The following GABRB2 variants were observed in gnomAD, a reference collection of about 807,000 sequenced individuals.
GABRB2 encodes the protein gamma-aminobutyric acid receptor subunit beta-2.
In GABRB2, 16 loss-of-function variants were observed where a neutral mutation model predicts 54.7. The ratio of observed to expected loss-of-function variants is 0.29; its 90% CI spans 0.20 to 0.44. The LOEUF (loss-of-function observed/expected upper bound fraction) is 0.44. Ranked by LOEUF, GABRB2 falls within the 20% of genes least tolerant of loss-of-function variation. GABRB2 has a pLI of 1.00. For synonymous variants in GABRB2, 244 were observed against 233.8 expected, an observed-to-expected ratio of 1.04 and a Z score of -0.40; for missense variants, 355 against 644.0, an observed-to-expected ratio of 0.55 and a Z score of 4.86.
chr5:161,351,603 A>G (rs1754472234), intron 5 of GABRB2, among the ~76,000 whole-genome samples: 1 of 152,150 alleles, frequency 6.6e-6, no homozygotes. Context: ...CTACTAGAAG[A>G]AAACAAAGCG....
chr5:161,352,583 G>A (rs1021268141), intron 5 of GABRB2, among the ~76,000 whole-genome samples: 11 of 151,928 alleles, frequency 7.2e-5, no homozygotes, highest in African/African-American at 2.2e-4. Context: ...GTAATCAAAG[G>A]TTACAAAATT....
intron 5 of GABRB2, among the ~76,000 whole-genome samples, chr5:161,350,480 A>C (rs56328908): frequency 0.093 from 14,178 of 152,172 alleles, 765 homozygotes; most frequent in East Asian, 0.17. Flanking sequence ...TAAACCAAAG[A>C]GGCTAAAGAC....
At chr5:161,467,668 A>G (rs982074891) in intron 3 of GABRB2, among the ~76,000 whole-genome samples, 2 of 152,096 alleles carry the variant, frequency 1.3e-5, no homozygotes, top group African/African-American at 4.8e-5. Flanking sequence ...ATTTCCAAAG[A>G]TTGGAATACC....
chr5:161,308,599 C>T (rs778727722), intron 9 of GABRB2, among the ~76,000 whole-genome samples: 2 of 152,144 alleles, frequency 1.3e-5, no homozygotes, highest in Non-Finnish European at 2.9e-5. Flanking sequence ...ATCACTCTAC[C>T]CGACTTCAAA....
intron 3 of GABRB2, among the ~76,000 whole-genome samples, 170 bp from the exon 4 acceptor site, chr5:161,460,014 G>A (rs570830167): frequency 1.3e-5 from 2 of 152,168 alleles, no homozygotes; most frequent in South Asian, 2.1e-4. Flanking sequence ...GCACGATCTC[G>A]GCTCAATGCA....
chr5:161,336,493 A>C, intron 6 of GABRB2, 139 bp downstream of exon 6: 1 of 1,001,112 alleles, frequency 1.0e-6, no homozygotes, highest in Non-Finnish European at 1.4e-6. Flanking sequence ...AATAGACTTC[A>C]TGGGAAACTG....
intron 4 of GABRB2, among the ~76,000 whole-genome samples, chr5:161,411,526 T>C (rs549501570): frequency 2.6e-5 from 4 of 152,304 alleles, no homozygotes; most frequent in African/African-American, 9.6e-5. Flanking sequence ...CATAGTATAG[T>C]ATTTTGCAGT....
chr5:161,300,090 G>A (rs185631370), intron 9 of GABRB2, among the ~76,000 whole-genome samples: 27 of 152,274 alleles, frequency 1.8e-4, no homozygotes, highest in Admixed American at 1.5e-3. Context: ...CACAAGGTGT[G>A]AGATGTGTTG....
chr5:161,464,665 G>A (rs1312304911), intron 3 of GABRB2, among the ~76,000 whole-genome samples: 1 of 152,058 alleles, frequency 6.6e-6, no homozygotes, highest in Non-Finnish European at 1.5e-5. Flanking sequence ...GCCGATACAG[G>A]GATAGACAAA....
chr5:161,463,549 TTTTATTTATATATATATATA>T (rs768637734), intron 3 of GABRB2, among the ~76,000 whole-genome samples: 4,102 of 54,522 alleles, frequency 0.075, 272 homozygotes, highest in Non-Finnish European at 0.09. Context: ...TTCCAAATAT[TTTTATTTATATATATATATA>T]TATATATATA....
intron 4 of GABRB2, among the ~76,000 whole-genome samples, chr5:161,420,894 G>A (rs1756827631): frequency 6.6e-6 from 1 of 152,072 alleles, no homozygotes; most frequent in African/African-American, 2.4e-5. Context: ...CCATTCCTGG[G>A]TCCTTTGTGT....
At chr5:161,431,077 C>A (rs182171782) in intron 4 of GABRB2, among the ~76,000 whole-genome samples, 1 of 152,180 alleles carries the variant, frequency 6.6e-6, no homozygotes, top group African/African-American at 2.4e-5. Context: ...ACATTTGGAA[C>A]CAGGCTTGGA....
chr5:161,430,871 A>G (rs1159215830), intron 4 of GABRB2, among the ~76,000 whole-genome samples: 1 of 152,166 alleles, frequency 6.6e-6, no homozygotes, highest in Non-Finnish European at 1.5e-5. Flanking sequence ...AGCAGAAGTA[A>G]GAATAGGTTA....
rs555664560 is a variant in GABRB2, at chr5:161,305,893, A to G, written c.1192-11465T>C. Among the ~76,000 whole-genome samples, 6 of 152,342 alleles carry G rather than the reference A, an allele frequency of 3.9e-5. No homozygotes were observed. The East Asian group carries it at 1.2e-3, about 29-fold the overall frequency. Reference sequence around the variant, plus strand: ...TTCCCTGGGATTATACATATTGTCAATGATGATGACAGTGCACATCACTAA... The same window carrying G: ...TTCCCTGGGATTATACATATTGTCAGTGATGATGACAGTGCACATCACTAA... On this transcript the variant is annotated intron_variant, in intron 9 of 9. Coordinates refer to ENST00000393959, the MANE Select transcript of GABRB2 (RefSeq NM_001371727.1).
rs761305470 is a variant in GABRB2 at position 161,294,108 on chromosome 5, G to A, written c.1512C>T (p.Ile504=). The A allele has an allele frequency of 1.2e-5, 19 of 1,613,192 alleles. No individual in the cohort carries two copies. In the South Asian group the frequency reaches 1.2e-4, roughly 10 times the overall value. ...FFPVVFSFFN[I]VYWLYYVN ...AGTTCACATAATAAAGCCAATAGAC[G>A]ATGTTGAAGAAGGAAAAAACCACTG... Residue 504 remains isoleucine, a synonymous_variant, in exon 10 of 10, where the codon ATC becomes ATT. Coordinates refer to ENST00000393959, the MANE Select transcript of GABRB2 (RefSeq NM_001371727.1).
rs534198925 is a variant in GABRB2 at position 161,509,181 on chromosome 5, A to G, written c.237+36046T>C. 1.1e-4 allele frequency among the ~76,000 whole-genome samples: 17 copies of G among 152,166 alleles called. No homozygotes were observed. The East Asian group carries it at 3.1e-3, about 28-fold the overall frequency. Reference sequence around the variant, plus strand: ...CTTTGATTAAAGCATCCCAACAACCAGTACAGAATTATGTACTGATACAAA... The same window carrying G: ...CTTTGATTAAAGCATCCCAACAACCGGTACAGAATTATGTACTGATACAAA... On this transcript the variant is annotated intron_variant, in intron 3 of 9. Transcript: ENST00000393959.
At chr5:161,380,642 A>G (rs549766960) in intron 5 of GABRB2, among the ~76,000 whole-genome samples, 1 of 152,282 alleles carries the variant, frequency 6.6e-6, no homozygotes, top group East Asian at 1.9e-4. Flanking sequence ...AAAAAAAAAA[A>G]TCTGACGTTT....
intron 3 of GABRB2, among the ~76,000 whole-genome samples, chr5:161,468,293 G>A (rs1758335224): frequency 6.6e-6 from 1 of 152,020 alleles, no homozygotes; most frequent in South Asian, 2.1e-4. Context: ...CCTGGATTCT[G>A]CCTACCTCCT....
chr5:161,450,645 T>C (rs1290593648), intron 4 of GABRB2, among the ~76,000 whole-genome samples: 1 of 152,150 alleles, frequency 6.6e-6, no homozygotes, highest in African/African-American at 2.4e-5. Context: ...GCTCTGTGGT[T>C]TGCCATCGTC....
Sources: allele counts gnomAD v4.1 joint callset (sites outside exome capture counted in the v4.1 genomes callset), GRCh38; gene constraint gnomAD v4.1.1; transcripts MANE v1.5; gene names NCBI Gene and HGNC (gene_info 2026-07-23, HGNC 2026-07-21).